MRE11: variants seen among roughly 807,000 people sequenced by gnomAD.
The protein encoded by MRE11 is double-strand break repair protein MRE11.
Under a neutral mutation model 91.7 loss-of-function variants are expected in MRE11, and 62 were observed. The observed-to-expected ratio is 0.68, with a 90% CI of 0.55 to 0.84. MRE11 has a LOEUF of 0.84. Ranked by LOEUF, MRE11 falls within the 40% of genes least tolerant of loss-of-function variation. The pLI is 0.00. For missense variants in MRE11, 796 were observed against 852.9 expected (o/e 0.93, Z 0.83); for synonymous variants, 273 against 271.4 (o/e 1.01, Z -0.06).
the MRE11 span, among the ~76,000 whole-genome samples, chr11:94,512,136 G>A: frequency 1.3e-4 from 20 of 152,206 alleles, no homozygotes; most frequent in African/African-American, 4.6e-4. Context: ...GCAGTGATCT[G>A]TTCTGTCGGC....
intron 14 of MRE11, among the ~76,000 whole-genome samples, chr11:94,454,149 T>C (rs1207385510): frequency 2.6e-5 from 4 of 151,494 alleles, no homozygotes; most frequent in African/African-American, 9.7e-5. Context: ...TCTCGGCTCA[T>C]TGCAACCTCT....
rs1336112966 is a variant in MRE11 at position 94,470,459 on chromosome 11, A to C, written c.1017+12T>G. ...TAAAGTAGATCTCATTGACTTTATCAAAAAGAATTACCTTCTCCAAACAGA... is the reference window on the plus strand; with the variant it reads ...TAAAGTAGATCTCATTGACTTTATCCAAAAGAATTACCTTCTCCAAACAGA... On this transcript the variant is annotated intron_variant, in intron 9 of 19. Coordinates refer to ENST00000323929, the MANE Select transcript of MRE11 (RefSeq NM_005591.4). The C allele has an allele frequency of 6.2e-7, 1 of 1,611,414 alleles. No homozygotes were observed. Among genetic ancestry groups the C allele is most frequent in the Non-Finnish European group, 8.5e-7 (1 of 1,178,128 alleles).
chr11:94,460,981 T>G lies in MRE11; in HGVS notation c.1281A>C (p.Leu427Phe). Residue 427 changes from leucine to phenylalanine, a missense_variant, in exon 12 of 20, where the codon TTA becomes TTC. Coordinates refer to ENST00000323929, the MANE Select transcript of MRE11 (RefSeq NM_005591.4). ...ACTGTTTTACAAGATCTTCTACCCT[T>G]AAAGTTGTTCCTTCTGAAGGCTTTG... ...LITKPSEGTT[L>F]RVEDLVKQYF... The G allele has an allele frequency of 1.2e-6, 2 of 1,613,886 alleles. No individual in the cohort carries two copies. The highest frequency in any genetic ancestry group is 1.7e-6 in the Non-Finnish European group (2 of 1,179,974).
chr11:94,417,258 T>A lies in MRE11; in HGVS notation c.*2867A>T. 1 of 190,020 alleles carries A rather than the reference T, an allele frequency of 5.3e-6. No individual in the cohort carries two copies. Among genetic ancestry groups the A allele is most frequent in the Non-Finnish European group, 1.1e-5 (1 of 90,470 alleles). The allele number at this position is 190,020 out of a possible 1,614,324, so 11.8% of individuals were successfully genotyped here. On this transcript the variant is annotated 3_prime_UTR_variant, in exon 20 of 20. Transcript: ENST00000323929. The stretch of plus-strand genomic sequence containing the variant: ...TCCCAAAGTGCTGGGATTAAAGGCA[T>A]GAGCCACTGCACCCAGCCCATTGAG...
At chr11:94,509,654 A>G in the MRE11 span, among the ~76,000 whole-genome samples, 7 of 151,986 alleles carry the variant, frequency 4.6e-5, no homozygotes, top group Non-Finnish European at 8.8e-5. Context: ...TGTTGGCCAG[A>G]TGGTCTCGAT....
At chr11:94,478,986 A>G in intron 5 of MRE11, 110 bp from the exon 6 acceptor site, 1 of 1,218,542 alleles carries the variant, frequency 8.2e-7, no homozygotes, top group Non-Finnish European at 1.2e-6. Flanking sequence ...ACAAAAACAT[A>G]GATGAGGATA....
chr11:94,488,187 A>G (rs899277924), intron 3 of MRE11, among the ~76,000 whole-genome samples: 1 of 152,212 alleles, frequency 6.6e-6, no homozygotes, highest in Non-Finnish European at 1.5e-5. Context: ...GTTAAAAAAG[A>G]AAGAGCACAT....
chr11:94,444,702 C>T (rs975763878), intron 16 of MRE11, among the ~76,000 whole-genome samples: 3 of 152,212 alleles, frequency 2.0e-5, no homozygotes, highest in Non-Finnish European at 4.4e-5. Context: ...ACTTGTGCAG[C>T]TGTCCTTTTG....
chr11:94,431,503 G>A (rs1336888822), intron 18 of MRE11, among the ~76,000 whole-genome samples: 1 of 152,132 alleles, frequency 6.6e-6, no homozygotes, highest in African/African-American at 2.4e-5. Context: ...CCTCTAAAAT[G>A]TTAAACAGCC....
intron 7 of MRE11, chr11:94,472,912 A>G (rs1226083564): frequency 6.6e-6 from 1 of 152,098 alleles, no homozygotes; most frequent in Non-Finnish European, 1.5e-5. Flanking sequence ...GTAAGTATGC[A>G]CATGTATAAC....
chr11:94,432,519 C>G (rs999171723), intron 18 of MRE11, among the ~76,000 whole-genome samples: 2 of 152,180 alleles, frequency 1.3e-5, no homozygotes, highest in East Asian at 1.9e-4. Flanking sequence ...TTTCAAACCC[C>G]TTATCTGGGA....
In MRE11 at chr11:94,452,196, C is replaced by CAAAA. The variant is rs35238737; in HGVS notation, c.1563+4076_1563+4079dup. ...TGGGTGACAGAGTGAGACTTTGCCT[C>CAAAA]AAAAAAAAAAAAAAAAAAGAGAAAG... On this transcript the variant is annotated intron_variant, in intron 14 of 19. Transcript: ENST00000323929. Among the ~76,000 whole-genome samples the CAAAA allele has an allele frequency of 6.6e-3, 623 of 94,510 alleles. 4 individuals are homozygous for CAAAA. The highest frequency in any genetic ancestry group is 0.023 in the African/African-American group (564 of 24,882). The allele number at this position is 94,510 out of a possible 152,430, so 62.0% of individuals were successfully genotyped here.
chr11:94,438,772 C>T (rs1203395279), intron 16 of MRE11, among the ~76,000 whole-genome samples: 6 of 152,158 alleles, frequency 3.9e-5, no homozygotes, highest in African/African-American at 9.7e-5. Flanking sequence ...TTGACTATGG[C>T]CAAGCTCCTT....
At chr11:94,501,273 G>C in the MRE11 span, among the ~76,000 whole-genome samples, 1 of 152,144 alleles carries the variant, frequency 6.6e-6, no homozygotes, top group African/African-American at 2.4e-5. Flanking sequence ...ATCTAAATCA[G>C]TGCCAACACA....
chr11:94,491,056 AAC>A (rs1947272400), intron 2 of MRE11, 91 bp from the exon 3 acceptor site: 7 of 840,246 alleles, frequency 8.3e-6, no homozygotes, highest in Admixed American at 4.8e-5. Flanking sequence ...AATAAATAAT[AAC>A]AGTTATAGAG....
At chr11:94,475,633 A>T in intron 7 of MRE11, 1 of 455,810 alleles carries the variant, frequency 2.2e-6, no homozygotes, top group South Asian at 1.6e-5. Flanking sequence ...CCAACAGATT[A>T]AATTTCTTAA....
intron 11 of MRE11, among the ~76,000 whole-genome samples, chr11:94,463,479 C>T (rs1404395322): frequency 6.6e-6 from 1 of 152,166 alleles, no homozygotes; most frequent in African/African-American, 2.4e-5. Flanking sequence ...GACACATGCA[C>T]ACATGTGTTT....
intron 14 of MRE11, among the ~76,000 whole-genome samples, chr11:94,452,326 T>TA (rs146980028): frequency 0.033 from 4,991 of 151,606 alleles, 301 homozygotes; most frequent in African/African-American, 0.12. Flanking sequence ...GACTCATTAG[T>TA]AAAAAAAAGT....
rs373002609 is a variant in MRE11 at position 94,419,465 on chromosome 11, G to GGGGAGGGA, written c.*659_*660insTCCCTCCC. 1.5e-5 allele frequency: 3 copies of GGGGAGGGA among 196,690 alleles called. No homozygotes were observed. The highest frequency in any genetic ancestry group is 7.6e-5 in the African/African-American group (3 of 39,622). 12.2% of individuals were successfully genotyped at this position (196,690 alleles called of 1,614,324 possible). A position where few individuals can be genotyped will look rare whatever the true frequency, so the allele number is the denominator to read the frequency against. On this transcript the variant is annotated 3_prime_UTR_variant, in exon 20 of 20. Transcript: ENST00000323929. The stretch of plus-strand genomic sequence containing the variant: ...GAAGAGTGGGGAACGGGGGGGAGAG[G>GGGGAGGGA]GAGAGAGAGAGAGAGAGAGAGAGAG...
Sources: allele counts gnomAD v4.1 joint callset (sites outside exome capture counted in the v4.1 genomes callset), GRCh38; gene constraint gnomAD v4.1.1; transcripts MANE v1.5; gene names NCBI Gene and HGNC (gene_info 2026-07-23, HGNC 2026-07-21).